GNS: variants seen among roughly 807,000 people sequenced by gnomAD.
The protein encoded by GNS is N-acetylglucosamine-6-sulfatase.
A neutral mutation model predicts 69.7 loss-of-function variants in GNS; 40 were observed. The observed-to-expected ratio is 0.57, with a 90% CI of 0.45 to 0.75. The LOEUF (loss-of-function observed/expected upper bound fraction) is 0.75. Among genes scored for constraint, GNS ranks in the 30% least tolerant of loss-of-function variants. The pLI is 0.00. For missense variants in GNS, 565 were observed against 685.5 expected, an observed-to-expected ratio of 0.82 and a Z score of 1.96; for synonymous variants, 243 against 251.6, an observed-to-expected ratio of 0.97 and a Z score of 0.32.
intron 1 of GNS, among the ~76,000 whole-genome samples, chr12:64,753,448 GAC>G (rs1200691631): frequency 6.6e-6 from 1 of 152,188 alleles, no homozygotes; most frequent in African/African-American, 2.4e-5. Context: ...AAAGTATGAA[GAC>G]AGTCATTTAA....
chr12:64,738,348 T>C (rs944808476), intron 8 of GNS, among the ~76,000 whole-genome samples: 8 of 152,190 alleles, frequency 5.3e-5, no homozygotes, highest in Non-Finnish European at 1.0e-4. Flanking sequence ...GTCAGATGCA[T>C]AATCCGGTGT....
At chr12:64,741,577 T>C (rs2136246665) in intron 6 of GNS, among the ~76,000 whole-genome samples, 1 of 151,902 alleles carries the variant, frequency 6.6e-6, no homozygotes, top group South Asian at 2.1e-4. Flanking sequence ...TAAGCCACCA[T>C]ACCTGGTCTA....
At chr12:64,724,824 G>A (rs767831758) in intron 10 of GNS, among the ~76,000 whole-genome samples, 14 of 152,166 alleles carry the variant, frequency 9.2e-5, no homozygotes, top group Non-Finnish European at 1.9e-4. Flanking sequence ...TTGCACCACT[G>A]CACCCCAGCC....
chr12:64,728,644 C>T lies in GNS; in HGVS notation c.1200+312G>A, dbSNP rs578026699. 3.3e-5 allele frequency among the ~76,000 whole-genome samples: 5 copies of T among 152,160 alleles called. No individual in the cohort carries two copies. In the South Asian group the frequency reaches 8.3e-4, roughly 25 times the overall value. On this transcript the variant is annotated intron_variant, in intron 10 of 13. Coordinates refer to ENST00000258145, the MANE Select transcript of GNS (RefSeq NM_002076.4). ...TTAGCCACTTTTTTTGCCCATTTTC[C>T]CACTGGGATATTAATCTTTGCTAAG...
chr12:64,728,750 T>C (rs1195429327), intron 10 of GNS, among the ~76,000 whole-genome samples: 1 of 152,200 alleles, frequency 6.6e-6, no homozygotes, highest in Non-Finnish European at 1.5e-5. Flanking sequence ...ATGGTGGGTG[T>C]TCTTAAAGGA....
At chr12:64,748,363 CTT>C (rs796226776) in intron 2 of GNS, among the ~76,000 whole-genome samples, 1 of 142,946 alleles carries the variant, frequency 7.0e-6, no homozygotes, top group African/African-American at 2.6e-5. Flanking sequence ...ACCATCCTGG[CTT>C]TTTTTTTTTT....
At chr12:64,748,551 C>T (rs773310879) in intron 2 of GNS, among the ~76,000 whole-genome samples, 9 of 152,060 alleles carry the variant, frequency 5.9e-5, no homozygotes, top group Admixed American at 3.3e-4. Context: ...TGGTGAGAGA[C>T]GGGTCTTAAC....
intron 4 of GNS, 76 bp downstream of exon 4, chr12:64,745,583 A>G: frequency 2.2e-6 from 2 of 891,206 alleles, no homozygotes; most frequent in South Asian, 2.6e-5. Context: ...AGTTATGTCA[A>G]TATCAGAGCT....
rs1332308897 is a variant in GNS at position 64,759,220 on chromosome 12, C to T, written c.57G>A (p.Leu19=). 5 of 1,546,216 alleles carry T rather than the reference C, an allele frequency of 3.2e-6. No homozygotes were observed. In the East Asian group the frequency reaches 7.3e-5, roughly 23 times the overall value. The change falls in exon 1 of 14, where the codon CTG becomes CTA. Residue 19 remains leucine, a synonymous_variant. Transcript: ENST00000258145. ...GRLRRGSPRH[L]PSCSPALLLL... is the part of the protein sequence containing the mutation. ...GTAGCAGCGCTGGGCTGCAGGAGGG[C>T]AGGTGGCGGGGGCTGCCCCGCCGGA...
At chr12:64,742,594 A>G (rs1456620973) in intron 6 of GNS, among the ~76,000 whole-genome samples, 2 of 152,202 alleles carry the variant, frequency 1.3e-5, no homozygotes, top group Non-Finnish European at 2.9e-5. Context: ...TGGATAACAA[A>G]CCTGAGGCAA....
intron 9 of GNS, among the ~76,000 whole-genome samples, chr12:64,735,551 G>A (rs182769654): frequency 1.8e-4 from 27 of 152,276 alleles, no homozygotes; most frequent in African/African-American, 6.0e-4. Context: ...ACATTTAGAT[G>A]GCAATGTTAA....
At chr12:64,732,649 G>A (rs1231950442) in intron 9 of GNS, among the ~76,000 whole-genome samples, 2 of 151,072 alleles carry the variant, frequency 1.3e-5, no homozygotes, top group Middle Eastern at 3.4e-3. Context: ...TTTTAGTAGA[G>A]ACGGGGTTTC....
At chr12:64,750,651 C>T (rs1359986120) in intron 2 of GNS, among the ~76,000 whole-genome samples, 1 of 152,048 alleles carries the variant, frequency 6.6e-6, no homozygotes, top group Non-Finnish European at 1.5e-5. Context: ...CACCTGTAAT[C>T]CCAGCTATTT....
At chr12:64,727,233 C>T (rs551121543) in intron 10 of GNS, among the ~76,000 whole-genome samples, 21 of 148,028 alleles carry the variant, frequency 1.4e-4, no homozygotes, top group African/African-American at 5.2e-4. Context: ...AGTTCGAGAT[C>T]ACCCTGAGCA....
rs536065660 is a variant in GNS, at chr12:64,745,965, T to A, written c.460-241A>T. The A allele has an allele frequency of 1.5e-5, 8 of 544,746 alleles. No individual in the cohort carries two copies. In the African/African-American group the frequency reaches 1.5e-4, roughly 10 times the overall value. 33.7% of individuals were successfully genotyped at this position (544,746 alleles called of 1,614,324 possible). The stretch of plus-strand genomic sequence containing the variant: ...GATGACTTTTGTATGAACAGCAAGC[T>A]AAGAATTTAACAATTTTAAAATATA... On this transcript the variant is annotated intron_variant, in intron 3 of 13. Transcript: ENST00000258145.
intron 8 of GNS, 83 bp downstream of exon 8, chr12:64,739,298 A>G: frequency 1.2e-6 from 1 of 828,244 alleles, no homozygotes; most frequent in Admixed American, 1.7e-5. Context: ...TAAAAAGACT[A>G]GAACTCCCTC....
At chr12:64,746,485 C>G (rs1869903003) in intron 3 of GNS, among the ~76,000 whole-genome samples, 1 of 152,192 alleles carries the variant, frequency 6.6e-6, no homozygotes, top group African/African-American at 2.4e-5. Flanking sequence ...TCCAAAAAAT[C>G]TGAAACGCAA....
At chr12:64,755,056 T>C (rs1248630674) in intron 1 of GNS, among the ~76,000 whole-genome samples, 1 of 152,132 alleles carries the variant, frequency 6.6e-6, no homozygotes, top group East Asian at 1.9e-4. Flanking sequence ...AAATGAATCC[T>C]TAAGATCGAA....
rs746189087 is a variant in GNS, at chr12:64,759,261, G to C, written c.16C>G (p.Leu6Val). 22 of 1,534,830 alleles carry C rather than the reference G, an allele frequency of 1.4e-5. No individual in the cohort carries two copies. The South Asian group carries it at 2.7e-4, about 19-fold the overall frequency. The stretch of plus-strand genomic sequence containing the variant: ...CCCCGCCGGAGCCGACCTGGGGCTA[G>C]AGGCAGGAGCCGCATAGCGGACAGG... MRLLPLAPGRLRRGSP... is the reference protein window; with the variant it reads MRLLPVAPGRLRRGSP... The change falls in exon 1 of 14, where the codon CTA becomes GTA. Residue 6 changes from leucine to valine, a missense_variant. This residue lies in a region of GNS where 181 missense variants were observed against 174.4 expected (regional missense o/e 1.04). Coordinates refer to ENST00000258145, the MANE Select transcript of GNS (RefSeq NM_002076.4).
Sources: allele counts gnomAD v4.1 joint callset (sites outside exome capture counted in the v4.1 genomes callset), GRCh38; gene constraint gnomAD v4.1.1; regional missense constraint gnomAD v4.1.1; transcripts MANE v1.5; gene names NCBI Gene and HGNC (gene_info 2026-07-23, HGNC 2026-07-21).